The following DERA variants were observed in gnomAD, a reference collection of about 807,000 sequenced individuals.
DERA encodes deoxyribose-phosphate aldolase, also known as 2-deoxy-D-ribose 5-phosphate aldolase.
DERA carries 15 observed loss-of-function variants against 41.1 expected under a neutral mutation model. The observed-to-expected ratio is 0.37, with a 90% CI of 0.24 to 0.56. The LOEUF (loss-of-function observed/expected upper bound fraction) is 0.56, where lower values mean the gene tolerates loss of function less well. DERA is among the 20% of genes least tolerant of loss of function. The probability of loss-of-function intolerance (pLI) is 0.81; values close to 1 mark genes in which losing one functional copy is unlikely to be tolerated. For synonymous variants in DERA, 139 were observed against 137.4 expected (o/e 1.01, Z -0.08); for missense variants, 396 against 403.4 (o/e 0.98, Z 0.16).
intron 1 of DERA, among the ~76,000 whole-genome samples, chr12:15,914,685 T>C (rs1351689496): frequency 6.6e-6 from 1 of 152,212 alleles, no homozygotes; most frequent in Non-Finnish European, 1.5e-5. Flanking sequence ...AGATGACTTC[T>C]AAGGATCTCC....
chr12:15,924,315 T>C lies in DERA; in HGVS notation c.31+12901T>C, dbSNP rs1210235973. Among the ~76,000 whole-genome samples, 1 of 152,148 alleles carries C rather than the reference T, an allele frequency of 6.6e-6. No homozygotes were observed. The highest frequency in any genetic ancestry group is 6.5e-5 in the Admixed American group (1 of 15,278). Reference sequence around the variant, plus strand: ...TATGCCGCTATGGTCACAGCTACCTTGGAAACTGAGGCGGGACAAGGTTAC... The same window carrying C: ...TATGCCGCTATGGTCACAGCTACCTCGGAAACTGAGGCGGGACAAGGTTAC... On this transcript the variant is annotated intron_variant, in intron 1 of 8. Coordinates refer to ENST00000428559, the MANE Select transcript of DERA (RefSeq NM_015954.4). The surrounding 1 kb of genome is among the most constrained non-coding windows in gnomAD (Gnocchi z 5.0).
At position 15,923,464 on chromosome 12, in the gene DERA, T is replaced by A. The variant is rs558613197; in HGVS notation, c.31+12050T>A. Among the ~76,000 whole-genome samples the A allele has an allele frequency of 9.4e-3, 1,424 of 152,266 alleles. 22 individuals are homozygous for A. The highest frequency in any genetic ancestry group is 0.033 in the African/African-American group (1,361 of 41,534). ...GTTCCCTGTGCTTGCAGTTCAGACC[T>A]TTTCCTTCCTTCTCTGGCCAGCATA... On this transcript the variant is annotated intron_variant, in intron 1 of 8. Transcript: ENST00000428559.
At position 15,941,012 on chromosome 12, in the gene DERA, A is replaced by G. The variant is rs2136136182; in HGVS notation, c.32-15924A>G. On this transcript the variant is annotated intron_variant, in intron 1 of 8. Coordinates refer to ENST00000428559, the MANE Select transcript of DERA (RefSeq NM_015954.4). The surrounding 1 kb of genome is among the most constrained non-coding windows in gnomAD (Gnocchi z 4.5). ...TTGAGAGTAAAATTTTTTATTAAACATACTTTTTGTGAGGTCATTGTAACT... is the reference window on the plus strand; with the variant it reads ...TTGAGAGTAAAATTTTTTATTAAACGTACTTTTTGTGAGGTCATTGTAACT... 6.6e-6 allele frequency among the ~76,000 whole-genome samples: 1 copy of G among 152,348 alleles called. No homozygotes were observed. Among genetic ancestry groups the G allele is most frequent in the Admixed American group, 6.5e-5 (1 of 15,308 alleles).
intron 1 of DERA, among the ~76,000 whole-genome samples, chr12:15,925,753 C>T (rs947514793): frequency 6.7e-6 from 1 of 149,744 alleles, no homozygotes; most frequent in Admixed American, 6.6e-5. Context: ...TTTTTGCTGA[C>T]TTAGAGGACC....
Position 16,015,795 on chromosome 12 carries a change from A to G in DERA, c.638-16747A>G, listed in dbSNP as rs57245885. Among the ~76,000 whole-genome samples the G allele has an allele frequency of 6.2e-3, 945 of 152,326 alleles. 11 individuals carry two copies. The highest frequency in any genetic ancestry group is 0.021 in the African/African-American group (875 of 41,586). On this transcript the variant is annotated intron_variant, in intron 6 of 8. Transcript: ENST00000428559. ...AGGAACAACTTTAAAATATAAATTC[A>G]GGGAAAAGAGTAAAGGTACAAATTG...
chr12:16,035,077 A>G lies in DERA; in HGVS notation c.751-1155A>G, dbSNP rs573456955. The stretch of plus-strand genomic sequence containing the variant: ...GAAACCAGTTAAAAGACTTTTACTG[A>G]TATTTCCTGTGAGAATTGATAAGGG... On this transcript the variant is annotated intron_variant, in intron 7 of 8. Coordinates refer to ENST00000428559, the MANE Select transcript of DERA (RefSeq NM_015954.4). This position sits in a 1 kb window ranked among gnomAD's most constrained non-coding sequence, Gnocchi z 4.1. 1.2e-3 allele frequency among the ~76,000 whole-genome samples: 177 copies of G among 152,268 alleles called. No individual in the cohort carries two copies. The highest frequency in any genetic ancestry group is 1.8e-3 in the Non-Finnish European group (120 of 68,026).
chr12:15,996,512 GTGTGTCTCTGTC>G lies in DERA; in HGVS notation c.637+14086_637+14097del, dbSNP rs1239884027. On this transcript the variant is annotated intron_variant, in intron 6 of 8. Transcript: ENST00000428559. This position sits in a 1 kb window ranked among gnomAD's most constrained non-coding sequence, Gnocchi z 4.7. ...GTCACTAGATGGCTGTCTTCCCTCT[GTGTGTCTCTGTC>G]TGTGTCTCTTCTCCTCTTCTTATAA... Among the ~76,000 whole-genome samples the G allele has an allele frequency of 6.6e-6, 1 of 152,048 alleles. No individual in the cohort carries two copies. Among genetic ancestry groups the G allele is most frequent in the Non-Finnish European group, 1.5e-5 (1 of 68,016 alleles).
At position 15,936,043 on chromosome 12, in the gene DERA, G is replaced by C. The variant is rs1215688119; in HGVS notation, c.32-20893G>C. 6.6e-6 allele frequency among the ~76,000 whole-genome samples: 1 copy of C among 152,212 alleles called. No homozygotes were observed. The highest frequency in any genetic ancestry group is 1.5e-5 in the Non-Finnish European group (1 of 68,030). On this transcript the variant is annotated intron_variant, in intron 1 of 8. Transcript: ENST00000428559. This position sits in a 1 kb window ranked among gnomAD's most constrained non-coding sequence, Gnocchi z 4.6. Reference sequence around the variant, plus strand: ...CTTAGGGTTGCTTGAGTATCCTTATGACATGGCAGCTGGCTTCTCGAGTGA... The same window carrying C: ...CTTAGGGTTGCTTGAGTATCCTTATCACATGGCAGCTGGCTTCTCGAGTGA...
rs1013759903 is a variant in DERA, at chr12:15,989,219, C to T, written c.637+6783C>T. Among the ~76,000 whole-genome samples the T allele has an allele frequency of 2.6e-5, 4 of 152,206 alleles. No individual in the cohort carries two copies. Among genetic ancestry groups the T allele is most frequent in the Admixed American group, 6.5e-5 (1 of 15,286 alleles). On this transcript the variant is annotated intron_variant, in intron 6 of 8. Transcript: ENST00000428559. This position sits in a 1 kb window ranked among gnomAD's most constrained non-coding sequence, Gnocchi z 5.2. ...CTGTTCCCAGACCTCACCAGCTCCA[C>T]GGAGTGTGCAGCCCTAGCCACGCCT...
Position 15,928,414 on chromosome 12 carries a change from A to T in DERA, c.31+17000A>T, listed in dbSNP as rs1178491601. ...ACAGAGATTTTTGAACAAGAAACAG[A>T]AAGGATTACTTTAAATTTCAACTCT... On this transcript the variant is annotated intron_variant, in intron 1 of 8. Coordinates refer to ENST00000428559, the MANE Select transcript of DERA (RefSeq NM_015954.4). This position sits in a 1 kb window ranked among gnomAD's most constrained non-coding sequence, Gnocchi z 4.6. 6.6e-6 allele frequency among the ~76,000 whole-genome samples: 1 copy of T among 152,232 alleles called. No individual in the cohort carries two copies. Among genetic ancestry groups the T allele is most frequent in the Admixed American group, 6.5e-5 (1 of 15,284 alleles).
chr12:16,035,119 TGA>T lies in DERA; in HGVS notation c.751-1109_751-1108del, dbSNP rs1949118832. Among the ~76,000 whole-genome samples, 1 of 152,012 alleles carries T rather than the reference TGA, an allele frequency of 6.6e-6. No individual in the cohort carries two copies. Among genetic ancestry groups the T allele is most frequent in the South Asian group, 2.1e-4 (1 of 4,820 alleles). On this transcript the variant is annotated intron_variant, in intron 7 of 8. Coordinates refer to ENST00000428559, the MANE Select transcript of DERA (RefSeq NM_015954.4). This position sits in a 1 kb window ranked among gnomAD's most constrained non-coding sequence, Gnocchi z 4.1. ...TGATAAGGGTCTAAACTGAAACAAG[TGA>T]GAGTGCAGTGGAAAGAGTGCATGTG...
At position 16,000,305 on chromosome 12, in the gene DERA, C is replaced by G. The variant is rs1948866035; in HGVS notation, c.637+17869C>G. Among the ~76,000 whole-genome samples the G allele has an allele frequency of 6.6e-6, 1 of 152,084 alleles. No individual in the cohort carries two copies. The highest frequency in any genetic ancestry group is 1.5e-5 in the Non-Finnish European group (1 of 68,016). On this transcript the variant is annotated intron_variant, in intron 6 of 8. Transcript: ENST00000428559. The surrounding 1 kb of genome is among the most constrained non-coding windows in gnomAD (Gnocchi z 4.8). Reference sequence around the variant, plus strand: ...CTTTTCCTCTACTTTTCTGTTCTTGCAACAAGGAAAAACATAGTAACGTTT... The same window carrying G: ...CTTTTCCTCTACTTTTCTGTTCTTGGAACAAGGAAAAACATAGTAACGTTT...
At position 15,936,860 on chromosome 12, in the gene DERA, CTTGT is replaced by C. The variant is rs1565588533; in HGVS notation, c.32-20075_32-20072del. 1.2e-3 allele frequency among the ~76,000 whole-genome samples: 156 copies of C among 129,622 alleles called. 2 individuals are homozygous for C. In the East Asian group the frequency reaches 0.029, roughly 24 times the overall value. The allele number at this position is 129,622 out of a possible 152,430, so 85.0% of individuals were successfully genotyped here. Reference sequence around the variant, plus strand: ...CATCTTCTGTCTTGTGTTGTCTTGTCTTGTCTTGTCTTGTCTTGTCTTGTCTTGT... The same window carrying C: ...CATCTTCTGTCTTGTGTTGTCTTGTCCTTGTCTTGTCTTGTCTTGTCTTGT... On this transcript the variant is annotated intron_variant, in intron 1 of 8. Coordinates refer to ENST00000428559, the MANE Select transcript of DERA (RefSeq NM_015954.4). This position sits in a 1 kb window ranked among gnomAD's most constrained non-coding sequence, Gnocchi z 4.6.
In DERA at chr12:16,001,261, G is replaced by T. The variant is rs559645758; in HGVS notation, c.637+18825G>T. ...CTGCACATGTTTATCCTATTTTTTT[G>T]TTTGTTTGTTTGTTTTTAGAAGAAA... On this transcript the variant is annotated intron_variant, in intron 6 of 8. Transcript: ENST00000428559. This position sits in a 1 kb window ranked among gnomAD's most constrained non-coding sequence, Gnocchi z 4.1. Among the ~76,000 whole-genome samples, 17 of 152,022 alleles carry T rather than the reference G, an allele frequency of 1.1e-4. No homozygotes were observed. In the South Asian group the frequency reaches 1.9e-3, roughly 17 times the overall value.
Position 15,958,342 on chromosome 12 carries a change from T to C in DERA, c.277+7T>C, listed in dbSNP as rs377004007. On this transcript the variant is annotated splice_region_variant and intron_variant, in intron 3 of 8. Coordinates refer to ENST00000428559, the MANE Select transcript of DERA (RefSeq NM_015954.4). ...TTAAATATGCATGATAAAGGTAATG[T>C]TGTTGTGTGTGATCTATGTGGTGTT... 1,291 of 1,595,240 alleles carry C rather than the reference T, an allele frequency of 8.1e-4. No homozygotes were observed. Among genetic ancestry groups the C allele is most frequent in the Non-Finnish European group, 1.0e-3 (1,210 of 1,171,814 alleles).
At position 15,993,480 on chromosome 12, in the gene DERA, CTTTTTT is replaced by C. The variant is rs74499962; in HGVS notation, c.637+11054_637+11059del. On this transcript the variant is annotated intron_variant, in intron 6 of 8. Coordinates refer to ENST00000428559, the MANE Select transcript of DERA (RefSeq NM_015954.4). The surrounding 1 kb of genome is among the most constrained non-coding windows in gnomAD (Gnocchi z 4.4). Reference sequence around the variant, plus strand: ...ATCTAGACTCCTGTGGTGTTGTGGCCTTTTTTTTTTTTTTTAAAAAAAATAAGATCT... The same window carrying C: ...ATCTAGACTCCTGTGGTGTTGTGGCCTTTTTTTTTAAAAAAAATAAGATCT... Among the ~76,000 whole-genome samples, 1 of 135,142 alleles carries C rather than the reference CTTTTTT, an allele frequency of 7.4e-6. No homozygotes were observed. The highest frequency in any genetic ancestry group is 1.6e-5 in the Non-Finnish European group (1 of 62,966). 88.7% of individuals were successfully genotyped at this position (135,142 alleles called of 152,430 possible). A position where few individuals can be genotyped will look rare whatever the true frequency, so the allele number is the denominator to read the frequency against.
Position 15,954,752 on chromosome 12 carries a change from G to A in DERA, c.32-2184G>A, listed in dbSNP as rs935393284. Among the ~76,000 whole-genome samples the A allele has an allele frequency of 2.6e-5, 4 of 152,266 alleles. No individual in the cohort carries two copies. The highest frequency in any genetic ancestry group is 7.2e-5 in the African/African-American group (3 of 41,568). On this transcript the variant is annotated intron_variant, in intron 1 of 8. Coordinates refer to ENST00000428559, the MANE Select transcript of DERA (RefSeq NM_015954.4). This position sits in a 1 kb window ranked among gnomAD's most constrained non-coding sequence, Gnocchi z 4.0. The stretch of plus-strand genomic sequence containing the variant: ...CAGTGGTGCCAGTGTTTCCAGTGGC[G>A]ACAGTAGTGGTAGTGGTGCGTTGGG...
At chr12:15,946,653 T>C (rs1283353625) in intron 1 of DERA, among the ~76,000 whole-genome samples, 1 of 152,152 alleles carries the variant, frequency 6.6e-6, no homozygotes, top group Non-Finnish European at 1.5e-5. Flanking sequence ...TCTATCAATT[T>C]TGTTGATCTT....
chr12:15,932,477 C>G (rs941319337), intron 1 of DERA, among the ~76,000 whole-genome samples: 1 of 151,942 alleles, frequency 6.6e-6, no homozygotes, highest in African/African-American at 2.4e-5. Context: ...TGACAAAACC[C>G]CATCTCCATA....
Sources: gnomAD v4.1 joint callset for allele counts (sites outside exome capture counted in the v4.1 genomes callset) on GRCh38, gnomAD v4.1.1 for gene constraint, Gnocchi (gnomAD v3.1) non-coding constraint, MANE v1.5 for transcripts, NCBI Gene and HGNC (gene_info 2026-07-23, HGNC 2026-07-21) for gene names.